Variants in DOCK1 observed in about 807,000 individuals in gnomAD.
The protein encoded by DOCK1 is dedicator of cytokinesis 1.
In DOCK1, 138 loss-of-function variants were observed where a neutral mutation model predicts 262.7. The observed-to-expected ratio is 0.53, with a 90% CI of 0.46 to 0.61. The LOEUF (loss-of-function observed/expected upper bound fraction) is 0.61, where lower values mean the gene tolerates loss of function less well. Ranked by LOEUF, DOCK1 falls within the 20% of genes least tolerant of loss-of-function variation. The pLI, the probability that DOCK1 is intolerant of heterozygous loss-of-function variation, is 0.00. For missense variants in DOCK1, 1,908 were observed against 2,370.7 expected, an observed-to-expected ratio of 0.80 and a Z score of 4.05; for synonymous variants, 866 against 867.4, an observed-to-expected ratio of 1.00 and a Z score of 0.03.
intron 27 of DOCK1, among the ~76,000 whole-genome samples, chr10:127,143,795 C>T (rs1163814074): frequency 6.6e-6 from 1 of 152,148 alleles, no homozygotes; most frequent in Non-Finnish European, 1.5e-5. Context: ...GGATGTGACC[C>T]TGGCCACCTC....
chr10:127,441,761 T>A (rs2070165945), intron 49 of DOCK1, among the ~76,000 whole-genome samples: 2 of 101,738 alleles, frequency 2.0e-5, no homozygotes, highest in Non-Finnish European at 3.8e-5. Context: ...GCACCCCAGC[T>A]TCTGCAAAGG....
chr10:127,365,491 A>G (rs538696316), intron 33 of DOCK1, among the ~76,000 whole-genome samples: 1 of 152,334 alleles, frequency 6.6e-6, no homozygotes, highest in Admixed American at 6.5e-5. Context: ...TGAATTTTAT[A>G]TAAATCTAGC....
rs116511430 is a variant in DOCK1, at chr10:127,373,273, C to G, written c.3433-508C>G. Among the ~76,000 whole-genome samples, 1,483 of 152,122 alleles carry G rather than the reference C, an allele frequency of 9.7e-3. 25 individuals are homozygous for G. The highest frequency in any genetic ancestry group is 0.034 in the African/African-American group (1,413 of 41,470). On this transcript the variant is annotated intron_variant, in intron 33 of 51. Coordinates refer to ENST00000623213, the MANE Select transcript of DOCK1 (RefSeq NM_001290223.2). ...CTTTAGGGACATTGCTCCTCTTGCTCTTTAGAACATTTTTTCAGCCAGAGT... is the reference window on the plus strand; with the variant it reads ...CTTTAGGGACATTGCTCCTCTTGCTGTTTAGAACATTTTTTCAGCCAGAGT...
At chr10:126,937,805 A>T (rs1049653989) in intron 1 of DOCK1, among the ~76,000 whole-genome samples, 1 of 151,624 alleles carries the variant, frequency 6.6e-6, no homozygotes, top group East Asian at 1.9e-4. Flanking sequence ...TTGCCTTTCT[A>T]CTCTGTTGAT....
At chr10:126,921,684 G>A (rs1245125149) in intron 1 of DOCK1, among the ~76,000 whole-genome samples, 20 of 152,000 alleles carry the variant, frequency 1.3e-4, no homozygotes, top group African/African-American at 4.6e-4. Flanking sequence ...ATGGAGTCTC[G>A]CTCTGTTCCC....
chr10:127,159,561 C>T (rs1035362070), intron 27 of DOCK1, among the ~76,000 whole-genome samples: 1 of 152,032 alleles, frequency 6.6e-6, no homozygotes, highest in East Asian at 1.9e-4. Flanking sequence ...AGTGACAATT[C>T]GGGGCATGCA....
At chr10:127,401,132 T>A (rs568182672) in intron 38 of DOCK1, among the ~76,000 whole-genome samples, 14 of 151,926 alleles carry the variant, frequency 9.2e-5, no homozygotes, top group Non-Finnish European at 1.6e-4. Flanking sequence ...CCCCTGTGAT[T>A]TCATCAGCAG....
At position 127,032,226 on chromosome 10, in the gene DOCK1, C is replaced by T. The variant is rs547528004; in HGVS notation, c.1818C>T (p.Thr606=). ...TGGAAGAAAAGGGCCACTCGGCCACCGGCAAGAGCATGCAGAGCCTTGGGA... is the reference window on the plus strand; with the variant it reads ...TGGAAGAAAAGGGCCACTCGGCCACTGGCAAGAGCATGCAGAGCCTTGGGA... The part of the protein sequence containing the change: ...AELEEKGHSA[T]GKSMQSLGSC... The change falls in exon 18 of 52, where the codon ACC becomes ACT. Residue 606 remains threonine, a synonymous_variant. Transcript: ENST00000623213. The T allele has an allele frequency of 2.4e-5, 39 of 1,601,246 alleles. No individual in the cohort carries two copies. The highest frequency in any genetic ancestry group is 1.4e-4 in the East Asian group (6 of 44,326).
At chr10:127,070,343 T>A (rs992687863) in intron 23 of DOCK1, among the ~76,000 whole-genome samples, 2 of 121,926 alleles carry the variant, frequency 1.6e-5, no homozygotes, top group African/African-American at 6.3e-5. Flanking sequence ...AACCTCCACC[T>A]CCCGGGTTCA....
chr10:127,138,512 C>G (rs1189155918), intron 27 of DOCK1, among the ~76,000 whole-genome samples: 2 of 152,134 alleles, frequency 1.3e-5, no homozygotes, highest in Non-Finnish European at 2.9e-5. Context: ...AGGAAATGAC[C>G]TTGGCTGACA....
At chr10:127,332,251 TTG>T (rs1446802322) in intron 29 of DOCK1, among the ~76,000 whole-genome samples, 1 of 152,228 alleles carries the variant, frequency 6.6e-6, no homozygotes, top group African/African-American at 2.4e-5. Flanking sequence ...TGTATTCTTG[TTG>T]GCATCACAGC....
chr10:127,166,077 ATTTT>A (rs1440423717), intron 27 of DOCK1, among the ~76,000 whole-genome samples: 1 of 151,834 alleles, frequency 6.6e-6, no homozygotes, highest in East Asian at 1.9e-4. Flanking sequence ...TTATTTATTT[ATTTT>A]CTGAGACAGA....
At chr10:127,409,533 C>G in intron 42 of DOCK1, 142 bp downstream of exon 42, 2 of 839,366 alleles carry the variant, frequency 2.4e-6, no homozygotes, top group Non-Finnish European at 1.9e-6. Flanking sequence ...CTTTGAAGAG[C>G]AAGGGAAGCT....
chr10:127,427,084 G>A (rs1565083543), intron 47 of DOCK1, among the ~76,000 whole-genome samples: 1 of 152,178 alleles, frequency 6.6e-6, no homozygotes, highest in Admixed American at 6.5e-5. Context: ...CACCAGACAC[G>A]GCAAAGGGTC....
intron 29 of DOCK1, among the ~76,000 whole-genome samples, chr10:127,317,172 T>G (rs114469994): frequency 0.011 from 1,607 of 152,304 alleles, 42 homozygotes; most frequent in African/African-American, 0.037. Context: ...TGCGTATTTT[T>G]GTATGATCCT....
chr10:127,264,594 C>A (rs946515781), intron 29 of DOCK1, among the ~76,000 whole-genome samples: 5 of 152,102 alleles, frequency 3.3e-5, no homozygotes, highest in Non-Finnish European at 2.9e-5. Context: ...AAGACGGTTG[C>A]CGGGTTCTCA....
intron 38 of DOCK1, among the ~76,000 whole-genome samples, chr10:127,392,027 C>T (rs1428460797): frequency 1.3e-5 from 2 of 151,944 alleles, no homozygotes; most frequent in African/African-American, 4.8e-5. Context: ...TCATCACCCA[C>T]AGCATCTGGC....
chr10:127,434,955 G>A (rs766358413), intron 48 of DOCK1, among the ~76,000 whole-genome samples: 7 of 152,026 alleles, frequency 4.6e-5, no homozygotes, highest in East Asian at 1.9e-4. Flanking sequence ...CCTGGCCAAC[G>A]TCCACTTTCT....
At chr10:127,197,312 G>A (rs1564895543) in intron 27 of DOCK1, among the ~76,000 whole-genome samples, 1 of 152,198 alleles carries the variant, frequency 6.6e-6, no homozygotes, top group Non-Finnish European at 1.5e-5. Context: ...TTCCTTTGTG[G>A]CAGAGTAGAA....
Sources: gnomAD v4.1 joint callset for allele counts (sites outside exome capture counted in the v4.1 genomes callset) on GRCh38, gnomAD v4.1.1 for gene constraint, MANE v1.5 for transcripts, NCBI Gene and HGNC (gene_info 2026-07-23, HGNC 2026-07-21) for gene names.